Variants in GLI2 observed in about 807,000 individuals in gnomAD.
GLI2 encodes transcription activator GLI2.
Under a neutral mutation model 78.9 loss-of-function variants are expected in GLI2, and 22 were observed. The observed-to-expected ratio is 0.28, with a 90% CI of 0.20 to 0.40. The LOEUF is 0.40. Among genes scored for constraint, GLI2 ranks in the 10% least tolerant of loss-of-function variants. The pLI is 1.00. For missense variants in GLI2, 2,097 were observed against 2,213.2 expected, an observed-to-expected ratio of 0.95 and a Z score of 1.05; for synonymous variants, 974 against 963.7, an observed-to-expected ratio of 1.01 and a Z score of -0.20.
At chr2:120,803,515 GCTGA>G (rs1450162255) in intron 2 of GLI2, among the ~76,000 whole-genome samples, 1 of 152,188 alleles carries the variant, frequency 6.6e-6, no homozygotes, top group African/African-American at 2.4e-5. Context: ...ACCCGTTGAG[GCTGA>G]CAGCAGGTGG....
intron 5 of GLI2, among the ~76,000 whole-genome samples, chr2:120,956,662 G>T (rs557313972): frequency 1.4e-4 from 22 of 152,106 alleles, no homozygotes; most frequent in African/African-American, 4.3e-4. Flanking sequence ...CCAGCCTCCC[G>T]GAGCCCTGCC....
At chr2:120,969,178 A>G (rs1341952100) in intron 6 of GLI2, among the ~76,000 whole-genome samples, 2 of 152,248 alleles carry the variant, frequency 1.3e-5, no homozygotes, top group African/African-American at 4.8e-5. Flanking sequence ...TTTGAGGTCA[A>G]AGATGGTTTT....
At chr2:120,872,852 C>T (rs556356376) in intron 2 of GLI2, among the ~76,000 whole-genome samples, 1 of 152,334 alleles carries the variant, frequency 6.6e-6, no homozygotes, top group South Asian at 2.1e-4. Context: ...TGTTCAATTA[C>T]TATTCAGTAG....
chr2:120,943,933 G>C (rs1680582347), intron 3 of GLI2, among the ~76,000 whole-genome samples: 1 of 152,150 alleles, frequency 6.6e-6, no homozygotes, highest in Non-Finnish European at 1.5e-5. Flanking sequence ...GAACATGCCG[G>C]TTCTTGCCCC....
At chr2:120,869,192 A>G (rs1688304293) in intron 2 of GLI2, among the ~76,000 whole-genome samples, 1 of 152,066 alleles carries the variant, frequency 6.6e-6, no homozygotes, top group South Asian at 2.1e-4. Context: ...GGGAGGGGAG[A>G]GAAGCAACCT....
chr2:120,841,837 C>G (rs1449107774), intron 2 of GLI2, among the ~76,000 whole-genome samples: 1 of 98,974 alleles, frequency 1.0e-5, no homozygotes, highest in Non-Finnish European at 2.1e-5. Flanking sequence ...CCATTGCAAG[C>G]CAGTCTGGAG....
chr2:120,884,817 C>G (rs570887113), intron 2 of GLI2, among the ~76,000 whole-genome samples: 22 of 152,210 alleles, frequency 1.4e-4, no homozygotes, highest in South Asian at 1.2e-3. Context: ...CGCCTCCTTG[C>G]TGGGAGAGTG....
chr2:120,877,740 G>A (rs1460526757), intron 2 of GLI2, among the ~76,000 whole-genome samples: 1 of 151,900 alleles, frequency 6.6e-6, no homozygotes, highest in Non-Finnish European at 1.5e-5. Flanking sequence ...TCCTGTTATT[G>A]TGGATATAGC....
chr2:120,822,324 C>G (rs56911814), intron 2 of GLI2, among the ~76,000 whole-genome samples: 1,804 of 152,306 alleles, frequency 0.012, 34 homozygotes, highest in African/African-American at 0.041. Flanking sequence ...CCCTGCACAG[C>G]GGGTCCAGCT....
chr2:120,873,622 G>A (rs1200311121), intron 2 of GLI2, among the ~76,000 whole-genome samples: 2 of 152,146 alleles, frequency 1.3e-5, no homozygotes, highest in African/African-American at 4.8e-5. Context: ...ACCCCTTGAG[G>A]CAGTCTTGGG....
At chr2:120,773,690 C>T (rs1277293805) in intron 1 of GLI2, among the ~76,000 whole-genome samples, 2 of 152,150 alleles carry the variant, frequency 1.3e-5, no homozygotes, top group Non-Finnish European at 2.9e-5. Flanking sequence ...ATTGGGCCAG[C>T]AGAACTGCAT....
chr2:120,912,198 G>A (rs1678856485), intron 2 of GLI2, among the ~76,000 whole-genome samples: 1 of 150,642 alleles, frequency 6.6e-6, no homozygotes, highest in Non-Finnish European at 1.5e-5. Context: ...CTTAAACCCT[G>A]TTTATTTAAA....
intron 2 of GLI2, among the ~76,000 whole-genome samples, chr2:120,870,770 A>G (rs532843803): frequency 4.6e-4 from 70 of 152,264 alleles, no homozygotes; most frequent in African/African-American, 1.7e-3. Flanking sequence ...CACAGGTCAT[A>G]TAACCCTCTT....
intron 1 of GLI2, among the ~76,000 whole-genome samples, chr2:120,774,079 G>A (rs963269974): frequency 2.6e-5 from 4 of 151,918 alleles, no homozygotes; most frequent in South Asian, 2.1e-4. Flanking sequence ...CAGGCACCCC[G>A]ATAGGATGTG....
intron 2 of GLI2, among the ~76,000 whole-genome samples, chr2:120,913,132 A>G (rs1678916062): frequency 6.6e-6 from 1 of 152,204 alleles, no homozygotes. Flanking sequence ...AATTCTCATC[A>G]CCATATTTTG....
At chr2:120,872,263 T>C (rs182632898) in intron 2 of GLI2, among the ~76,000 whole-genome samples, 2 of 152,318 alleles carry the variant, frequency 1.3e-5, no homozygotes. Flanking sequence ...ATTGGCAGTT[T>C]AGGCCACAGA....
chr2:120,924,221 T>A (rs1256643727), intron 2 of GLI2, among the ~76,000 whole-genome samples: 1 of 152,186 alleles, frequency 6.6e-6, no homozygotes, highest in Admixed American at 6.5e-5. Flanking sequence ...AGCTGGTATT[T>A]GCCAAGTGCT....
intron 3 of GLI2, among the ~76,000 whole-genome samples, chr2:120,938,016 T>G (rs1680276883): frequency 6.6e-6 from 1 of 152,194 alleles, no homozygotes; most frequent in South Asian, 2.1e-4. Context: ...TATCTCCTAT[T>G]TCCTTATTCC....
intron 2 of GLI2, among the ~76,000 whole-genome samples, chr2:120,916,595 C>T (rs988930478): frequency 8.5e-5 from 13 of 152,220 alleles, no homozygotes; most frequent in East Asian, 7.7e-4. Flanking sequence ...AGCAGCGCCC[C>T]GGGGCACTCC....
Sources: allele counts gnomAD v4.1 joint callset (sites outside exome capture counted in the v4.1 genomes callset), GRCh38; gene constraint gnomAD v4.1.1; transcripts MANE v1.5; gene names NCBI Gene and HGNC (gene_info 2026-07-23, HGNC 2026-07-21).